The following ATRNL1 variants were observed in gnomAD, a reference collection of about 807,000 sequenced individuals.
ATRNL1 encodes attractin like 1.
Under a neutral mutation model 182.7 loss-of-function variants are expected in ATRNL1, and 95 were observed. That is an observed-to-expected ratio of 0.52 (90% CI 0.44 to 0.62). The LOEUF is 0.62. Ranked by LOEUF, ATRNL1 falls within the 20% of genes least tolerant of loss-of-function variation. ATRNL1 has a pLI of 0.00. For missense variants in ATRNL1, 1,471 were observed against 1,679.5 expected, an observed-to-expected ratio of 0.88 and a Z score of 2.17; for synonymous variants, 576 against 568.3, an observed-to-expected ratio of 1.01 and a Z score of -0.19.
chr10:115,372,389 AT>A (rs1243252238), intron 19 of ATRNL1, among the ~76,000 whole-genome samples: 3 of 146,840 alleles, frequency 2.0e-5, no homozygotes, highest in African/African-American at 8.0e-5. Context: ...ATTTGTCTAT[AT>A]TTTTTTTGTC....
At chr10:115,559,409 GGTGTTTGT>G (rs1853528710) in intron 26 of ATRNL1, among the ~76,000 whole-genome samples, 1 of 135,404 alleles carries the variant, frequency 7.4e-6, no homozygotes, top group African/African-American at 3.0e-5. Flanking sequence ...TCTCATTCTT[GGTGTTTGT>G]GTGTGTGTGT....
intron 26 of ATRNL1, among the ~76,000 whole-genome samples, chr10:115,643,624 G>A (rs1196064935): frequency 6.6e-6 from 1 of 151,900 alleles, no homozygotes; most frequent in Non-Finnish European, 1.5e-5. Context: ...TTTTAAAAAG[G>A]GCAAAAGATT....
At chr10:115,361,488 G>A (rs1554944205) in intron 19 of ATRNL1, among the ~76,000 whole-genome samples, 2 of 152,032 alleles carry the variant, frequency 1.3e-5, no homozygotes, top group Non-Finnish European at 2.9e-5. Context: ...ACAAACTAGA[G>A]AATACATGTA....
intron 26 of ATRNL1, among the ~76,000 whole-genome samples, chr10:115,579,194 C>T (rs1854916054): frequency 6.6e-6 from 1 of 151,652 alleles, no homozygotes; most frequent in African/African-American, 2.4e-5. Flanking sequence ...ATAGAATGTT[C>T]TATATATGTT....
At chr10:115,243,215 T>C (rs1311340862) in intron 10 of ATRNL1, among the ~76,000 whole-genome samples, 1 of 152,114 alleles carries the variant, frequency 6.6e-6, no homozygotes, top group Non-Finnish European at 1.5e-5. Flanking sequence ...CAATGAAGAA[T>C]TTAAGGTTGA....
chr10:115,178,309 T>C (rs1847615347), intron 8 of ATRNL1, among the ~76,000 whole-genome samples: 1 of 152,142 alleles, frequency 6.6e-6, no homozygotes, highest in Non-Finnish European at 1.5e-5. Context: ...ACAAGACTTA[T>C]ATTCAAAATT....
intron 23 of ATRNL1, 86 bp from the exon 24 acceptor site, chr10:115,469,086 G>T: frequency 4.5e-6 from 2 of 442,212 alleles, no homozygotes; most frequent in Non-Finnish European, 3.7e-6. Flanking sequence ...ATTTTTATAA[G>T]AGCAATTATA....
intron 26 of ATRNL1, among the ~76,000 whole-genome samples, chr10:115,621,276 T>TATATAGAGAGAGAGAGAG (rs1268020830): frequency 3.4e-4 from 16 of 47,570 alleles, no homozygotes; most frequent in South Asian, 1.0e-3. Flanking sequence ...TATATATATA[T>TATATAGAGAGAGAGAGAG]AGAGAGAGAG....
chr10:115,832,369 T>A (rs1300260433), intron 27 of ATRNL1, among the ~76,000 whole-genome samples: 1 of 152,208 alleles, frequency 6.6e-6, no homozygotes, highest in Non-Finnish European at 1.5e-5. Flanking sequence ...GAAGATTGGC[T>A]TCTGTTACCA....
chr10:115,104,035 T>C (rs1843893658), intron 1 of ATRNL1, among the ~76,000 whole-genome samples: 1 of 152,200 alleles, frequency 6.6e-6, no homozygotes, highest in South Asian at 2.1e-4. Flanking sequence ...ATATACTGAT[T>C]TCCTTTCTTT....
At chr10:115,356,651 G>A (rs1856516613) in intron 19 of ATRNL1, among the ~76,000 whole-genome samples, 1 of 151,700 alleles carries the variant, frequency 6.6e-6, no homozygotes, top group Non-Finnish European at 1.5e-5. Flanking sequence ...GTTCCCCTGG[G>A]GAACTTTGCC....
At chr10:115,674,376 T>C (rs978817935) in intron 26 of ATRNL1, among the ~76,000 whole-genome samples, 3 of 152,124 alleles carry the variant, frequency 2.0e-5, no homozygotes, top group Admixed American at 1.3e-4. Context: ...TTAGACATCA[T>C]GTAGTGTAAG....
chr10:115,521,102 A>C (rs1218596752), intron 25 of ATRNL1, among the ~76,000 whole-genome samples: 2 of 152,142 alleles, frequency 1.3e-5, no homozygotes, highest in African/African-American at 4.8e-5. Context: ...TAGAAATTAC[A>C]GTTGAACAAG....
At chr10:115,479,269 C>T (rs1359586964) in intron 24 of ATRNL1, among the ~76,000 whole-genome samples, 1 of 151,400 alleles carries the variant, frequency 6.6e-6, no homozygotes, top group Non-Finnish European at 1.5e-5. Flanking sequence ...CTTGTAGTAC[C>T]ATAGTCTTAT....
chr10:115,928,288 G>A (rs782538367), intron 28 of ATRNL1, among the ~76,000 whole-genome samples: 7 of 151,936 alleles, frequency 4.6e-5, no homozygotes, highest in Admixed American at 2.0e-4. Flanking sequence ...TTTCATGAAT[G>A]CAAATTAAAG....
At chr10:115,556,551 A>G (rs1554997091) in intron 26 of ATRNL1, among the ~76,000 whole-genome samples, 1 of 152,164 alleles carries the variant, frequency 6.6e-6, no homozygotes, top group Non-Finnish European at 1.5e-5. Context: ...TGATTTTAAA[A>G]CACATTAGAG....
At chr10:115,137,044 T>G (rs1394660916) in intron 5 of ATRNL1, among the ~76,000 whole-genome samples, 1 of 152,164 alleles carries the variant, frequency 6.6e-6, no homozygotes, top group African/African-American at 2.4e-5. Context: ...AATAGAACAG[T>G]AATTTTCAAA....
At chr10:115,385,891 G>A (rs1554952494) in intron 19 of ATRNL1, among the ~76,000 whole-genome samples, 1 of 152,106 alleles carries the variant, frequency 6.6e-6, no homozygotes, top group Non-Finnish European at 1.5e-5. Flanking sequence ...GATTGTTTCT[G>A]TCTTCTCTAT....
At chr10:115,413,847 T>C (rs1005215972) in intron 20 of ATRNL1, among the ~76,000 whole-genome samples, 18 of 152,210 alleles carry the variant, frequency 1.2e-4, no homozygotes, top group African/African-American at 4.1e-4. Flanking sequence ...TGCTTTTTGC[T>C]CTTTGAGGTA....
Sources: allele counts gnomAD v4.1 joint callset (sites outside exome capture counted in the v4.1 genomes callset), GRCh38; gene constraint gnomAD v4.1.1; transcripts MANE v1.5; gene names NCBI Gene and HGNC (gene_info 2026-07-23, HGNC 2026-07-21).